The following NOTCH2NLA variants were observed in gnomAD, a reference collection of about 807,000 sequenced individuals.
The protein encoded by NOTCH2NLA is notch 2 N-terminal like A.
exon 1 of NOTCH2NLA, chr1:146,228,922 G>T (rs1664369456): frequency 2.0e-6 from 3 of 1,470,790 alleles, no homozygotes; most frequent in Admixed American, 2.6e-5. Flanking sequence ...ACGCTCCGAA[G>T]CCCAGCGCAA....
At chr1:146,159,443 GAA>G (rs1200109501) in intron 3 of NOTCH2NLA, among the ~76,000 whole-genome samples, 2 of 148,534 alleles carry the variant, frequency 1.3e-5, no homozygotes, top group Admixed American at 6.7e-5. Context: ...AAGAAAGAAA[GAA>G]AGAGAAAGAA....
At chr1:146,183,560 T>C (rs57678618) in intron 2 of NOTCH2NLA, among the ~76,000 whole-genome samples, 6,962 of 118,972 alleles carry the variant, frequency 0.059, 2,318 homozygotes, top group African/African-American at 0.23. Context: ...TTCAGCTAAA[T>C]AGGCACCGTA....
chr1:146,172,919 A>C (rs1345230287), intron 2 of NOTCH2NLA, among the ~76,000 whole-genome samples: 1 of 146,594 alleles, frequency 6.8e-6, no homozygotes. Flanking sequence ...CATGTGATGG[A>C]TAAAGTCAGT....
rs1263725213 is a variant in NOTCH2NLA, at chr1:146,183,618, G to T, written c.38+5682C>A. 3.8e-4 allele frequency among the ~76,000 whole-genome samples: 44 copies of T among 117,270 alleles called. 15 individuals carry two copies. The highest frequency in any genetic ancestry group is 1.6e-3 in the African/African-American group (44 of 27,758). 76.9% of individuals were successfully genotyped at this position (117,270 alleles called of 152,430 possible). A position where few individuals can be genotyped will look rare whatever the true frequency, so the allele number is the denominator to read the frequency against. ...AACCAGTTTCAGCTGAGAAGAAAGA[G>T]AAAGTAATTTAACAGTTGATATTTT... On this transcript the variant is annotated intron_variant, in intron 2 of 4. Coordinates refer to ENST00000362074, the Ensembl canonical transcript of NOTCH2NLA.
rs1397846287 is a variant in NOTCH2NLA at position 146,194,973 on chromosome 1, T to C, written c.-44-5592A>G. The stretch of plus-strand genomic sequence containing the variant: ...TTACTATCTAAATTCTACCCATTCC[T>C]TCAAGGCCCAGTTCACCTCTTGCCT... On this transcript the variant is annotated intron_variant, in intron 1 of 4. Coordinates refer to ENST00000362074, the Ensembl canonical transcript of NOTCH2NLA. Among the ~76,000 whole-genome samples, 302 of 111,752 alleles carry C rather than the reference T, an allele frequency of 2.7e-3. 61 individuals are homozygous for C. The highest frequency in any genetic ancestry group is 4.3e-3 in the Non-Finnish European group (235 of 54,536). 73.3% of individuals were successfully genotyped at this position (111,752 alleles called of 152,430 possible).
intron 2 of NOTCH2NLA, among the ~76,000 whole-genome samples, chr1:146,180,053 A>G (rs1662466520): frequency 1.4e-5 from 2 of 140,498 alleles, no homozygotes; most frequent in Non-Finnish European, 3.3e-5. Context: ...CTGCTCAATA[A>G]ATACTAGTGT....
chr1:146,228,355 G>A (rs1320666059), intron 1 of NOTCH2NLA: 1 of 981,974 alleles, frequency 1.0e-6, no homozygotes, highest in African/African-American at 1.8e-5. Flanking sequence ...AGGAAACGCG[G>A]AACCTGAAGG....
chr1:146,171,341 G>T, intron 2 of NOTCH2NLA, among the ~76,000 whole-genome samples: 1 of 139,074 alleles, frequency 7.2e-6, no homozygotes, highest in South Asian at 2.2e-4. Context: ...TGAGGCAGGA[G>T]AATGGCATGA....
At chr1:146,207,820 T>C (rs1197701438) in intron 1 of NOTCH2NLA, among the ~76,000 whole-genome samples, 2 of 83,960 alleles carry the variant, frequency 2.4e-5, no homozygotes, top group Non-Finnish European at 5.4e-5. Flanking sequence ...ACTTTCTTTT[T>C]TTTTTTTTTT....
rs1322071478 is a variant in NOTCH2NLA, at chr1:146,171,510, A to G, written c.39-6500T>C. Among the ~76,000 whole-genome samples, 3 of 120,522 alleles carry G rather than the reference A, an allele frequency of 2.5e-5. No individual in the cohort carries two copies. The East Asian group carries it at 6.1e-4, about 24-fold the overall frequency. 79.1% of individuals were successfully genotyped at this position (120,522 alleles called of 152,430 possible). On this transcript the variant is annotated intron_variant, in intron 2 of 4. Coordinates refer to ENST00000362074, the Ensembl canonical transcript of NOTCH2NLA. ...GTAGACTCTAGAGTGCGTGTGCTTC[A>G]ACACTAGGCTATCCTGCCTCCCCAT...
intron 1 of NOTCH2NLA, 63 bp downstream of exon 1, chr1:146,228,646 G>A (rs1330319080): frequency 6.2e-6 from 9 of 1,463,414 alleles, no homozygotes; most frequent in African/African-American, 6.0e-5. Flanking sequence ...CCGAGGGGGA[G>A]AAGGGTCGCC....
At chr1:146,159,433 AAG>A (rs1553803739) in intron 3 of NOTCH2NLA, among the ~76,000 whole-genome samples, 3 of 149,548 alleles carry the variant, frequency 2.0e-5, no homozygotes, top group South Asian at 2.1e-4. Flanking sequence ...GAAAGAAAGA[AAG>A]AAAGAAAGAA....
At chr1:146,171,489 A>G (rs1452309388) in intron 2 of NOTCH2NLA, among the ~76,000 whole-genome samples, 1 of 126,056 alleles carries the variant, frequency 7.9e-6, no homozygotes, top group African/African-American at 2.6e-5. Context: ...ACCCAAGTAG[A>G]CTCTAGAGTG....
intron 3 of NOTCH2NLA, among the ~76,000 whole-genome samples, chr1:146,159,966 CAAAA>C (rs782308523): frequency 1.2e-3 from 9 of 7,362 alleles, no homozygotes; most frequent in African/African-American, 1.8e-3. Flanking sequence ...TACTCCATCT[CAAAA>C]AAAAAAAAAA....
At chr1:146,174,960 G>A (rs1421846875) in intron 2 of NOTCH2NLA, among the ~76,000 whole-genome samples, 1 of 116,100 alleles carries the variant, frequency 8.6e-6, no homozygotes, top group Non-Finnish European at 2.0e-5. Context: ...TGTTAAAGTA[G>A]ATAAAAATAA....
intron 3 of NOTCH2NLA, among the ~76,000 whole-genome samples, chr1:146,159,966 C>CAAAAA (rs782308523): frequency 0.016 from 119 of 7,454 alleles, 10 homozygotes; most frequent in African/African-American, 0.022. Context: ...TACTCCATCT[C>CAAAAA]AAAAAAAAAA....
chr1:146,174,615 C>G (rs1662171350), intron 2 of NOTCH2NLA, among the ~76,000 whole-genome samples: 1 of 142,056 alleles, frequency 7.0e-6, no homozygotes, highest in African/African-American at 2.5e-5. Context: ...GGCACTGCAG[C>G]TGCTCCTCAT....
At chr1:146,159,536 G>T (rs1486472194) in intron 3 of NOTCH2NLA, among the ~76,000 whole-genome samples, 1 of 149,724 alleles carries the variant, frequency 6.7e-6, no homozygotes, top group Non-Finnish European at 1.5e-5. Context: ...GCACTAACTT[G>T]CTGCCTATGC....
chr1:146,194,698 GCAGTACC>G, intron 1 of NOTCH2NLA, among the ~76,000 whole-genome samples: 1 of 59,322 alleles, frequency 1.7e-5, no homozygotes, highest in Non-Finnish European at 3.1e-5. Flanking sequence ...GGAGGTCTGT[GCAGTACC>G]TTCACACAGT....
Sources: gnomAD v4.1 joint callset for allele counts (sites outside exome capture counted in the v4.1 genomes callset) on GRCh38, gnomAD v4.1.1 for gene constraint, MANE v1.5 for transcripts, NCBI Gene and HGNC (gene_info 2026-07-23, HGNC 2026-07-21) for gene names.